Variants in CNNM2 observed in about 807,000 individuals in gnomAD.
The protein encoded by CNNM2 is metal transporter CNNM2.
CNNM2 carries 12 observed loss-of-function variants against 66.9 expected under a neutral mutation model. The ratio of observed to expected loss-of-function variants is 0.18; its 90% CI spans 0.11 to 0.29. CNNM2 has a LOEUF of 0.29. CNNM2 is among the 10% of genes least tolerant of loss of function. The probability of loss-of-function intolerance (pLI) is 1.00; values close to 1 mark genes in which losing one functional copy is unlikely to be tolerated. For missense variants in CNNM2, 705 were observed against 1,167.7 expected (o/e 0.60, Z 5.77); for synonymous variants, 557 against 501.8 (o/e 1.11, Z -1.47).
chr10:102,933,267 A>T (rs1846125202), intron 1 of CNNM2, among the ~76,000 whole-genome samples: 1 of 152,160 alleles, frequency 6.6e-6, no homozygotes, highest in African/African-American at 2.4e-5. Context: ...ATGAACGGGG[A>T]TGTCATATCA....
intron 1 of CNNM2, among the ~76,000 whole-genome samples, chr10:102,977,740 G>C (rs1404929515): frequency 6.6e-6 from 1 of 152,006 alleles, no homozygotes; most frequent in Non-Finnish European, 1.5e-5. Context: ...AGAATCACTT[G>C]AACTCTGGAG....
intron 1 of CNNM2, among the ~76,000 whole-genome samples, chr10:103,046,445 C>T (rs1177867067): frequency 1.3e-5 from 2 of 152,216 alleles, no homozygotes; most frequent in East Asian, 3.8e-4. Flanking sequence ...CAAAAACTTG[C>T]AACCTGTGAC....
At position 103,089,824 on chromosome 10, in the gene CNNM2, C is replaced by T; in HGVS notation, c.*12644C>T. The T allele has an allele frequency of 1.2e-6, 2 of 1,614,116 alleles. No homozygotes were observed. Among genetic ancestry groups the T allele is most frequent in the South Asian group, 1.1e-5 (1 of 91,086 alleles). The stretch of plus-strand genomic sequence containing the variant: ...TTGTAGTCAGTGTCTTTGAAATCCA[C>T]TGATGTGCGGTTCCGGGTGGCAAGA... On this transcript the variant is annotated 3_prime_UTR_variant, in exon 8 of 8. Coordinates refer to ENST00000369878, the MANE Select transcript of CNNM2 (RefSeq NM_017649.5).
At chr10:103,010,758 G>C (rs532172400) in intron 1 of CNNM2, among the ~76,000 whole-genome samples, 128 of 151,492 alleles carry the variant, frequency 8.4e-4, no homozygotes, top group Non-Finnish European at 9.0e-4. Context: ...GATTATAGGC[G>C]CCCGCCACCA....
intron 1 of CNNM2, among the ~76,000 whole-genome samples, chr10:102,984,759 A>C (rs1332447137): frequency 6.6e-6 from 1 of 152,064 alleles, no homozygotes; most frequent in Non-Finnish European, 1.5e-5. Context: ...TCCCGGGTTC[A>C]AGTGATTCTC....
chr10:103,090,019 A>T lies in CNNM2; in HGVS notation c.*12839A>T. On this transcript the variant is annotated 3_prime_UTR_variant, in exon 8 of 8. Coordinates refer to ENST00000369878, the MANE Select transcript of CNNM2 (RefSeq NM_017649.5). ...GGCCATGCAATTACATCTATAATGG[A>T]CCACAGGACAAGTCAATATAGACTT... 1 of 747,136 alleles carries T rather than the reference A, an allele frequency of 1.3e-6. No individual in the cohort carries two copies. The highest frequency in any genetic ancestry group is 2.1e-5 in the South Asian group (1 of 48,462). The allele number at this position is 747,136 out of a possible 1,614,324, so 46.3% of individuals were successfully genotyped here.
At chr10:103,013,995 AGAGT>A (rs1411579606) in intron 1 of CNNM2, among the ~76,000 whole-genome samples, 4 of 152,242 alleles carry the variant, frequency 2.6e-5, no homozygotes, top group Non-Finnish European at 5.9e-5. Flanking sequence ...AGAAACTCCT[AGAGT>A]AAGTAAGAAC....
chr10:102,968,910 CTTTTTTTTTT>C (rs767809554), intron 1 of CNNM2, among the ~76,000 whole-genome samples: 1 of 99,708 alleles, frequency 1.0e-5, no homozygotes, highest in Admixed American at 1.1e-4. Context: ...CCAGTGCTGT[CTTTTTTTTTT>C]TTTTTTTTTT....
intron 1 of CNNM2, among the ~76,000 whole-genome samples, chr10:102,971,546 T>A (rs1285766302): frequency 6.6e-6 from 1 of 152,226 alleles, no homozygotes; most frequent in African/African-American, 2.4e-5. Context: ...GATATAAACA[T>A]AGCCAGTTGG....
intron 1 of CNNM2, among the ~76,000 whole-genome samples, chr10:103,030,343 T>C (rs1441296249): frequency 3.3e-5 from 5 of 152,182 alleles, no homozygotes; most frequent in African/African-American, 1.2e-4. Flanking sequence ...TTGAGGAAAT[T>C]ACATTAAAGT....
chr10:102,957,968 C>T (rs938138397), intron 1 of CNNM2, among the ~76,000 whole-genome samples: 30 of 152,174 alleles, frequency 2.0e-4, no homozygotes, highest in African/African-American at 7.2e-4. Flanking sequence ...TGGAGTTTTG[C>T]TCTTGTCGCC....
At chr10:103,045,296 G>A (rs768235897) in intron 1 of CNNM2, among the ~76,000 whole-genome samples, 2 of 152,140 alleles carry the variant, frequency 1.3e-5, no homozygotes, top group East Asian at 3.9e-4. Flanking sequence ...TTCTTTGAGC[G>A]TGAGCATGCT....
chr10:103,059,266 G>A (rs563874666), intron 4 of CNNM2, among the ~76,000 whole-genome samples: 3 of 152,220 alleles, frequency 2.0e-5, no homozygotes, highest in South Asian at 4.1e-4. Context: ...GAGCCACCGC[G>A]TCTGGCCTCC....
At chr10:103,049,877 C>A in intron 2 of CNNM2, 27 bp downstream of exon 2, 1 of 1,605,218 alleles carries the variant, frequency 6.2e-7, no homozygotes, top group Non-Finnish European at 8.5e-7. Context: ...GAGTGTATTT[C>A]CCGAAACCTT....
At chr10:103,060,383 G>A (rs1407756408) in intron 4 of CNNM2, among the ~76,000 whole-genome samples, 1 of 152,126 alleles carries the variant, frequency 6.6e-6, no homozygotes, top group African/African-American at 2.4e-5. Context: ...GCAATGTGGT[G>A]AAACCCTGTC....
chr10:102,960,938 G>A (rs2134203632), intron 1 of CNNM2, among the ~76,000 whole-genome samples: 1 of 149,518 alleles, frequency 6.7e-6, no homozygotes, highest in South Asian at 2.1e-4. Context: ...TTGTTGTCCA[G>A]GCTGGAGTGC....
In CNNM2 at chr10:103,085,394, A is replaced by G. The variant is rs911477879; in HGVS notation, c.*8214A>G. 3.9e-5 allele frequency: 6 copies of G among 152,294 alleles called. No homozygotes were observed. The East Asian group carries it at 1.2e-3, about 29-fold the overall frequency. 9.4% of individuals were successfully genotyped at this position (152,294 alleles called of 1,614,324 possible). A position where few individuals can be genotyped will look rare whatever the true frequency, so the allele number is the denominator to read the frequency against. ...TGAGTAAACATTTTTCAGTGTGGGG[A>G]AGGTTTGCTTGGCAAATCTTCTTTC... On this transcript the variant is annotated 3_prime_UTR_variant, in exon 8 of 8. Transcript: ENST00000369878.
At chr10:102,939,800 G>A (rs1243769805) in intron 1 of CNNM2, among the ~76,000 whole-genome samples, 4 of 152,100 alleles carry the variant, frequency 2.6e-5, no homozygotes, top group South Asian at 4.2e-4. Context: ...GTGAAACACC[G>A]TCTCTACTAA....
chr10:102,968,082 T>G (rs2063492593), intron 1 of CNNM2, among the ~76,000 whole-genome samples: 1 of 151,708 alleles, frequency 6.6e-6, no homozygotes, highest in African/African-American at 2.4e-5. Flanking sequence ...GTGGAGATAC[T>G]TAAGAGTGAA....
Sources: allele counts gnomAD v4.1 joint callset (sites outside exome capture counted in the v4.1 genomes callset), GRCh38; gene constraint gnomAD v4.1.1; transcripts MANE v1.5; gene names NCBI Gene and HGNC (gene_info 2026-07-23, HGNC 2026-07-21).